The following BPIFB1 variants were observed in gnomAD, a reference collection of about 807,000 sequenced individuals.
BPIFB1 encodes BPI fold-containing family B member 1.
BPIFB1 carries 34 observed loss-of-function variants against 55.1 expected under a neutral mutation model. The ratio of observed to expected loss-of-function variants is 0.62; its 90% CI spans 0.47 to 0.82. The LOEUF is 0.82. Among genes scored for constraint, BPIFB1 ranks in the 40% least tolerant of loss-of-function variants. BPIFB1 has a pLI of 0.00. For synonymous variants in BPIFB1, 236 were observed against 245.3 expected, an observed-to-expected ratio of 0.96 and a Z score of 0.35; for missense variants, 532 against 593.1, an observed-to-expected ratio of 0.90 and a Z score of 1.07.
chr20:33,291,175 C>T, intron 5 of BPIFB1, 69 bp downstream of exon 5: 7 of 1,567,976 alleles, frequency 4.5e-6, no homozygotes, highest in Non-Finnish European at 5.2e-6. Context: ...TGGACTTCCC[C>T]CATTTTACAA....
At chr20:33,283,928 T>C (rs1206165859) in intron 1 of BPIFB1, among the ~76,000 whole-genome samples, 1 of 152,034 alleles carries the variant, frequency 6.6e-6, no homozygotes, top group Non-Finnish European at 1.5e-5. Flanking sequence ...GTACAGATAA[T>C]GCAGGACAGA....
chr20:33,297,691 C>T (rs1404071448), intron 7 of BPIFB1, 103 bp downstream of exon 7: 21 of 1,186,184 alleles, frequency 1.8e-5, no homozygotes, highest in Non-Finnish European at 2.5e-5. Flanking sequence ...GCCTGAGCTG[C>T]AACTCAGGCC....
intron 13 of BPIFB1, among the ~76,000 whole-genome samples, chr20:33,305,627 T>C (rs1032539608): frequency 2.0e-5 from 3 of 152,118 alleles, no homozygotes; most frequent in Non-Finnish European, 2.9e-5. Context: ...ACTAATATTT[T>C]AAAACACGGA....
At chr20:33,302,520 C>A in intron 10 of BPIFB1, 108 bp downstream of exon 10, 2 of 1,240,910 alleles carry the variant, frequency 1.6e-6, no homozygotes, top group Non-Finnish European at 2.4e-6. Flanking sequence ...AGCACTGGGA[C>A]ACTCAAACCG....
At chr20:33,284,479 G>C (rs1980201315) in intron 1 of BPIFB1, among the ~76,000 whole-genome samples, 1 of 152,176 alleles carries the variant, frequency 6.6e-6, no homozygotes. Flanking sequence ...GGAGCAGGCA[G>C]ACCCAGCCCT....
At chr20:33,305,830 C>T (rs146566504) in intron 13 of BPIFB1, among the ~76,000 whole-genome samples, 172 bp from the exon 14 acceptor site, 4 of 152,090 alleles carry the variant, frequency 2.6e-5, no homozygotes, top group African/African-American at 9.7e-5. Context: ...ATGCCCCAAC[C>T]CAGCCCATCT....
At position 33,306,992 on chromosome 20, in the gene BPIFB1, G is replaced by C. The variant is rs1415099965; in HGVS notation, c.1395+5G>C. The C allele has an allele frequency of 6.2e-7, 1 of 1,613,408 alleles. No homozygotes were observed. Among genetic ancestry groups the C allele is most frequent in the Admixed American group, 1.7e-5 (1 of 60,026 alleles). ...GCTGAGTCCTCACTGACCAAGGTGA[G>C]TGGGTGTGGCCCTAAACATCCTGCC... On this transcript the variant is annotated splice_donor_5th_base_variant and intron_variant, in intron 15 of 15. Coordinates refer to ENST00000253354, the MANE Select transcript of BPIFB1 (RefSeq NM_033197.3).
intron 6 of BPIFB1, among the ~76,000 whole-genome samples, chr20:33,295,214 C>CA (rs59451968): frequency 0.13 from 15,186 of 119,862 alleles, 2,516 homozygotes; most frequent in African/African-American, 0.39. Context: ...AACTCTATCT[C>CA]AAAAAAAAAA....
At chr20:33,299,853 A>G (rs757553543) in intron 7 of BPIFB1, 46 bp from the exon 8 acceptor site, 4 of 1,544,390 alleles carry the variant, frequency 2.6e-6, no homozygotes, top group South Asian at 2.2e-5. Context: ...TCCCCCTCCA[A>G]TACTGCCCTC....
intron 9 of BPIFB1, among the ~76,000 whole-genome samples, chr20:33,301,737 G>A (rs1980859713): frequency 1.3e-5 from 2 of 152,172 alleles, no homozygotes; most frequent in Non-Finnish European, 2.9e-5. Context: ...GTAGTCCAGG[G>A]ATGGCGACTG....
chr20:33,300,112 T>A, intron 8 of BPIFB1, 128 bp downstream of exon 8: 1 of 791,658 alleles, frequency 1.3e-6, no homozygotes, highest in Non-Finnish European at 2.1e-6. Flanking sequence ...CGGGCTGATC[T>A]AGAAAAATCA....
At chr20:33,297,818 G>A (rs948493742) in intron 7 of BPIFB1, among the ~76,000 whole-genome samples, 1 of 152,174 alleles carries the variant, frequency 6.6e-6, no homozygotes, top group Non-Finnish European at 1.5e-5. Flanking sequence ...GTCAGTGGAT[G>A]CCCCAAGTTC....
intron 9 of BPIFB1, 80 bp downstream of exon 9, chr20:33,301,492 C>T (rs780049873): frequency 5.2e-6 from 7 of 1,352,328 alleles, no homozygotes; most frequent in Non-Finnish European, 7.2e-6. Context: ...TGCCCCTAAG[C>T]AGGAATCCTC....
intron 2 of BPIFB1, among the ~76,000 whole-genome samples, chr20:33,287,040 GGA>G (rs1288900012): frequency 2.6e-5 from 4 of 152,206 alleles, no homozygotes; most frequent in Non-Finnish European, 5.9e-5. Context: ...AGGTCCTGTG[GGA>G]CCAACAGGCT....
chr20:33,287,766 G>C (rs993981469), intron 2 of BPIFB1, among the ~76,000 whole-genome samples: 20 of 152,160 alleles, frequency 1.3e-4, no homozygotes, highest in African/African-American at 4.6e-4. Flanking sequence ...CGGGGAAGCT[G>C]TCTCTGGGGA....
chr20:33,295,146 C>A (rs1347579595), intron 6 of BPIFB1, among the ~76,000 whole-genome samples: 1 of 151,500 alleles, frequency 6.6e-6, no homozygotes, highest in East Asian at 1.9e-4. Context: ...ACCCAAGAGG[C>A]GGAGGTTGCA....
At chr20:33,286,227 A>G (rs765119449) in intron 2 of BPIFB1, 39 bp downstream of exon 2, 1 of 1,577,686 alleles carries the variant, frequency 6.3e-7, no homozygotes, top group East Asian at 2.2e-5. Flanking sequence ...CCATAAGACA[A>G]GGGGGTAGGT....
At chr20:33,308,891 CACAT>C (rs1030232008) in intron 15 of BPIFB1, among the ~76,000 whole-genome samples, 27 of 151,412 alleles carry the variant, frequency 1.8e-4, no homozygotes, top group African/African-American at 5.6e-4. Context: ...CACACATACA[CACAT>C]ACATACACAC....
intron 8 of BPIFB1, among the ~76,000 whole-genome samples, chr20:33,300,528 G>A (rs1006802485): frequency 6.6e-6 from 1 of 152,204 alleles, no homozygotes; most frequent in Non-Finnish European, 1.5e-5. Context: ...CAGCCATGCT[G>A]TGGCTGGACG....
Sources: gnomAD v4.1 joint callset for allele counts (sites outside exome capture counted in the v4.1 genomes callset) on GRCh38, gnomAD v4.1.1 for gene constraint, MANE v1.5 for transcripts, NCBI Gene and HGNC (gene_info 2026-07-23, HGNC 2026-07-21) for gene names.